CTCF: variants seen among roughly 807,000 people sequenced by gnomAD.
The protein encoded by CTCF is CCCTC-binding factor.
CTCF carries 7 observed loss-of-function variants against 72.3 expected under a neutral mutation model. The ratio of observed to expected loss-of-function variants is 0.10; its 90% CI spans 0.06 to 0.18. The LOEUF (loss-of-function observed/expected upper bound fraction) is 0.18. Among genes scored for constraint, CTCF ranks in the 10% least tolerant of loss-of-function variants. The pLI is 1.00. For missense variants in CTCF, 516 were observed against 949.1 expected (o/e 0.54, Z 6.00); for synonymous variants, 374 against 315.8 (o/e 1.18, Z -1.95).
chr16:67,598,190 C>T (rs1407336937), intron 2 of CTCF, among the ~76,000 whole-genome samples: 2 of 152,044 alleles, frequency 1.3e-5, no homozygotes, highest in African/African-American at 4.8e-5. Flanking sequence ...TTGCCCAGGC[C>T]TGGTCTCAGA....
chr16:67,611,803 G>C (rs1301044089), intron 3 of CTCF, 148 bp from the exon 4 acceptor site: 2 of 914,842 alleles, frequency 2.2e-6, no homozygotes, highest in African/African-American at 3.4e-5. Context: ...AAAGAAGAAG[G>C]AAATGTATTA....
rs1042590931 is a variant in CTCF at position 67,634,428 on chromosome 16, A to C, written c.1838-2262A>C. Among the ~76,000 whole-genome samples the C allele has an allele frequency of 4.0e-5, 6 of 151,504 alleles. No individual in the cohort carries two copies. The South Asian group carries it at 6.3e-4, about 16-fold the overall frequency. ...TCACCATGTTGGCCTGGCTGGTCTC[A>C]AAGTCCTGACTTCAGGTGATCCACC... On this transcript the variant is annotated intron_variant, in intron 10 of 11. Coordinates refer to ENST00000264010, the MANE Select transcript of CTCF (RefSeq NM_006565.4).
chr16:67,606,902 G>T (rs561488380), intron 2 of CTCF, among the ~76,000 whole-genome samples: 1 of 151,684 alleles, frequency 6.6e-6, no homozygotes, highest in African/African-American at 2.4e-5. Context: ...AAGTAGCTGG[G>T]ATTAGAGGCA....
intron 7 of CTCF, among the ~76,000 whole-genome samples, chr16:67,624,742 C>T (rs574971993): frequency 6.6e-6 from 1 of 151,882 alleles, no homozygotes; most frequent in East Asian, 1.9e-4. Context: ...GCACATGCCA[C>T]GATGACCAGC....
chr16:67,621,276 C>T, intron 6 of CTCF, 166 bp from the exon 7 acceptor site: 3 of 565,632 alleles, frequency 5.3e-6, no homozygotes, highest in Non-Finnish European at 6.3e-6. Flanking sequence ...TAGGACTTGG[C>T]CATATCTGAA....
intron 5 of CTCF, among the ~76,000 whole-genome samples, chr16:67,618,320 T>C (rs1412182741): frequency 1.3e-5 from 2 of 152,186 alleles, no homozygotes; most frequent in Non-Finnish European, 2.9e-5. Flanking sequence ...GAGAATCACT[T>C]GAACCTGGGA....
intron 4 of CTCF, chr16:67,615,900 A>G (rs550771604): frequency 1.3e-5 from 2 of 152,208 alleles, no homozygotes; most frequent in African/African-American, 2.4e-5. Flanking sequence ...GCTCTTCCTA[A>G]TTGTATCCTC....
At chr16:67,580,219 A>G (rs186397119) in intron 2 of CTCF, among the ~76,000 whole-genome samples, 40 of 152,226 alleles carry the variant, frequency 2.6e-4, no homozygotes, top group Non-Finnish European at 4.1e-4. Context: ...ATTATTTTAA[A>G]TTAATTTAGA....
At chr16:67,563,467 T>A (rs2051305169) in intron 1 of CTCF, 1 of 152,168 alleles carries the variant, frequency 6.6e-6, no homozygotes, top group South Asian at 2.1e-4. Flanking sequence ...CTGGCTGAGC[T>A]GCTCGCACCT....
chr16:67,608,860 C>G (rs1041270839), intron 2 of CTCF, among the ~76,000 whole-genome samples: 1 of 151,980 alleles, frequency 6.6e-6, no homozygotes. Context: ...GCCTCAGCCT[C>G]CCAAGTAGCC....
At chr16:67,596,538 T>C (rs556891342) in intron 2 of CTCF, among the ~76,000 whole-genome samples, 2 of 152,172 alleles carry the variant, frequency 1.3e-5, no homozygotes, top group East Asian at 3.9e-4. Context: ...TTTTAGTTTT[T>C]GTTCAACATG....
At chr16:67,594,318 A>T (rs961897527) in intron 2 of CTCF, among the ~76,000 whole-genome samples, 2 of 151,370 alleles carry the variant, frequency 1.3e-5, no homozygotes, top group African/African-American at 4.9e-5. Flanking sequence ...CAGGATGTCA[A>T]GGCTGTAGTG....
chr16:67,637,001 T>C (rs2052439918), intron 11 of CTCF, 150 bp downstream of exon 11: 1 of 656,330 alleles, frequency 1.5e-6, no homozygotes, highest in Non-Finnish European at 2.3e-6. Flanking sequence ...AATGGCTTTT[T>C]AGGAGTTTTT....
At chr16:67,573,374 G>A (rs896413302) in intron 2 of CTCF, among the ~76,000 whole-genome samples, 4 of 152,146 alleles carry the variant, frequency 2.6e-5, no homozygotes, top group South Asian at 2.1e-4. Context: ...AGAGGTTGCA[G>A]TGAGCCAAGA....
chr16:67,577,776 G>T (rs578024533), intron 2 of CTCF, among the ~76,000 whole-genome samples: 18 of 152,168 alleles, frequency 1.2e-4, no homozygotes, highest in Middle Eastern at 3.4e-3. Context: ...GAATCGAGAG[G>T]GCCACTGGAA....
intron 2 of CTCF, among the ~76,000 whole-genome samples, chr16:67,589,254 A>G (rs1456456951): frequency 6.6e-6 from 1 of 152,116 alleles, no homozygotes; most frequent in Non-Finnish European, 1.5e-5. Context: ...CTACGATTAC[A>G]CTACTGCGCT....
intron 2 of CTCF, among the ~76,000 whole-genome samples, chr16:67,571,915 C>A (rs1276106246): frequency 6.6e-6 from 1 of 152,100 alleles, no homozygotes; most frequent in African/African-American, 2.4e-5. Flanking sequence ...ATCTACTATG[C>A]TTTGGGATCT....
chr16:67,576,550 G>GTTTT (rs35771667), intron 2 of CTCF, among the ~76,000 whole-genome samples: 98 of 108,264 alleles, frequency 9.1e-4, no homozygotes, highest in African/African-American at 1.6e-3. Context: ...ATAATAGAAT[G>GTTTT]TTTTTTTTTT....
intron 2 of CTCF, among the ~76,000 whole-genome samples, chr16:67,575,980 C>T (rs1469349345): frequency 6.8e-6 from 1 of 146,108 alleles, no homozygotes. Context: ...CTTAGTGAGA[C>T]CTTGTCTGTA....
Sources: allele counts gnomAD v4.1 joint callset (sites outside exome capture counted in the v4.1 genomes callset), GRCh38; gene constraint gnomAD v4.1.1; transcripts MANE v1.5; gene names NCBI Gene and HGNC (gene_info 2026-07-23, HGNC 2026-07-21).